Variants in RNF111 observed in about 807,000 individuals in gnomAD.
RNF111 encodes the protein E3 ubiquitin-protein ligase Arkadia.
RNF111 carries 17 observed loss-of-function variants against 95.1 expected under a neutral mutation model. The observed-to-expected ratio is 0.18, with a 90% CI of 0.12 to 0.27. RNF111 has a LOEUF of 0.27. Among genes scored for constraint, RNF111 ranks in the 10% least tolerant of loss-of-function variants. The pLI, the probability that RNF111 is intolerant of heterozygous loss-of-function variation, is 1.00. For missense variants in RNF111, 1,189 were observed against 1,210.4 expected (o/e 0.98, Z 0.26); for synonymous variants, 440 against 414.8 (o/e 1.06, Z -0.74).
At chr15:59,072,898 A>AC (rs1345117520) in intron 6 of RNF111, among the ~76,000 whole-genome samples, 1 of 151,474 alleles carries the variant, frequency 6.6e-6, no homozygotes, top group Non-Finnish European at 1.5e-5. Flanking sequence ...AAAAAACAAA[A>AC]CACTTCCAGC....
At chr15:59,023,153 C>G (rs988944284) in intron 1 of RNF111, among the ~76,000 whole-genome samples, 3 of 152,152 alleles carry the variant, frequency 2.0e-5, no homozygotes, top group Non-Finnish European at 2.9e-5. Flanking sequence ...GAGGCTGAGG[C>G]AGGAGAATCG....
intron 1 of RNF111, among the ~76,000 whole-genome samples, chr15:59,000,198 C>G (rs1298347055): frequency 1.5e-5 from 2 of 131,320 alleles, no homozygotes; most frequent in African/African-American, 5.8e-5. Flanking sequence ...GGGTCTCTCT[C>G]TGTTACCCAG....
chr15:59,066,470 C>T (rs1218276353), intron 5 of RNF111, among the ~76,000 whole-genome samples: 1 of 151,922 alleles, frequency 6.6e-6, no homozygotes, highest in Non-Finnish European at 1.5e-5. Flanking sequence ...ATAAGCTGGG[C>T]GTGGTGGTGC....
At chr15:59,060,014 C>A (rs531592971) in intron 5 of RNF111, among the ~76,000 whole-genome samples, 29 of 152,258 alleles carry the variant, frequency 1.9e-4, no homozygotes, top group Admixed American at 1.2e-3. Flanking sequence ...CCCTGGAAAA[C>A]TGAGGGCAGA....
chr15:59,007,283 T>A (rs2039584631), intron 1 of RNF111, among the ~76,000 whole-genome samples: 1 of 151,860 alleles, frequency 6.6e-6, no homozygotes. Flanking sequence ...TTTTTTTTTT[T>A]ACTTTAGGTT....
chr15:59,081,118 A>T lies in RNF111; in HGVS notation c.2131A>T (p.Thr711Ser), dbSNP rs769592883. ...TCATCCTGTGGCACCCCCACCACCAACTCACTTAGCCAGTACAGCTGCACC... is the reference window on the plus strand; with the variant it reads ...TCATCCTGTGGCACCCCCACCACCATCTCACTTAGCCAGTACAGCTGCACC... ...TSHPVAPPPP[T>S]HLASTAAPIP... The change falls in exon 8 of 14, where the codon ACT (threonine) becomes TCT (serine). Residue 711 changes from threonine (T) to serine (S), a missense_variant. Transcript: ENST00000348370. 2.5e-6 allele frequency: 4 copies of T among 1,613,820 alleles called. No homozygotes were observed. In the South Asian group the frequency reaches 4.4e-5, roughly 18 times the overall value.
chr15:59,086,095 C>T (rs16940998), intron 10 of RNF111, among the ~76,000 whole-genome samples: 7 of 151,746 alleles, frequency 4.6e-5, no homozygotes, highest in Non-Finnish European at 7.4e-5. Flanking sequence ...GTAATAGATC[C>T]GTTCTGATGC....
intron 5 of RNF111, among the ~76,000 whole-genome samples, chr15:59,060,029 A>G (rs2042367295): frequency 6.6e-6 from 1 of 152,218 alleles, no homozygotes; most frequent in Admixed American, 6.5e-5. Flanking sequence ...GGCAGAATTG[A>G]GAAACATTCT....
intron 2 of RNF111, among the ~76,000 whole-genome samples, chr15:59,043,224 C>A (rs1364981869): frequency 6.6e-6 from 1 of 151,388 alleles, no homozygotes; most frequent in African/African-American, 2.4e-5. Flanking sequence ...GTGCGATCTC[C>A]GCTCACTGCA....
chr15:59,033,917 G>A (rs1473491256), intron 2 of RNF111, among the ~76,000 whole-genome samples: 1 of 151,926 alleles, frequency 6.6e-6, no homozygotes, highest in Non-Finnish European at 1.5e-5. Flanking sequence ...TTCTGGACAA[G>A]TGATTTGCTT....
At chr15:59,010,078 C>T (rs867244309) in intron 1 of RNF111, among the ~76,000 whole-genome samples, 5 of 152,142 alleles carry the variant, frequency 3.3e-5, no homozygotes, top group African/African-American at 9.7e-5. Flanking sequence ...GAGAATGTGA[C>T]ATTTTGTTTA....
chr15:59,067,621 C>G (rs1458883847), intron 6 of RNF111, among the ~76,000 whole-genome samples: 2 of 151,986 alleles, frequency 1.3e-5, no homozygotes, highest in African/African-American at 4.8e-5. Flanking sequence ...TTGAATGGAC[C>G]AGGGATGTGG....
intron 5 of RNF111, among the ~76,000 whole-genome samples, chr15:59,063,305 T>C (rs1466112938): frequency 1.3e-5 from 2 of 152,218 alleles, no homozygotes; most frequent in East Asian, 3.8e-4. Context: ...ATTTTCACCT[T>C]TGTATTATCC....
At chr15:59,056,908 T>C (rs1368191564) in intron 4 of RNF111, among the ~76,000 whole-genome samples, 2 of 152,174 alleles carry the variant, frequency 1.3e-5, no homozygotes, top group Non-Finnish European at 1.5e-5. Flanking sequence ...GAGTAGCCTT[T>C]TCCACATTAC....
chr15:59,063,156 CT>C (rs1424922911), intron 5 of RNF111, among the ~76,000 whole-genome samples: 1 of 152,192 alleles, frequency 6.6e-6, no homozygotes, highest in Non-Finnish European at 1.5e-5. Context: ...TTGCATGCTG[CT>C]TTTCCCTTGT....
intron 6 of RNF111, among the ~76,000 whole-genome samples, 197 bp downstream of exon 6, chr15:59,067,280 T>C (rs569920339): frequency 6.7e-6 from 1 of 150,056 alleles, no homozygotes; most frequent in Admixed American, 6.7e-5. Flanking sequence ...TTCCTTCCTT[T>C]CCTCTCTTCC....
intron 2 of RNF111, among the ~76,000 whole-genome samples, chr15:59,043,218 G>T (rs879573569): frequency 2.7e-5 from 4 of 150,674 alleles, no homozygotes; most frequent in Admixed American, 2.6e-4. Context: ...GCAGTGGTGC[G>T]ATCTCCGCTC....
intron 1 of RNF111, among the ~76,000 whole-genome samples, chr15:59,018,675 TTAATA>T (rs1242183305): frequency 2.0e-5 from 3 of 152,180 alleles, no homozygotes; most frequent in Non-Finnish European, 4.4e-5. Flanking sequence ...AATGCATATA[TTAATA>T]TAAGTTGTTT....
At chr15:59,046,635 A>G (rs1450129607) in intron 2 of RNF111, among the ~76,000 whole-genome samples, 1 of 152,242 alleles carries the variant, frequency 6.6e-6, no homozygotes, top group Non-Finnish European at 1.5e-5. Context: ...AGAATAAGGC[A>G]TAGGAGAAAA....
Sources: gnomAD v4.1 joint callset for allele counts (sites outside exome capture counted in the v4.1 genomes callset) on GRCh38, gnomAD v4.1.1 for gene constraint, MANE v1.5 for transcripts, NCBI Gene and HGNC (gene_info 2026-07-23, HGNC 2026-07-21) for gene names.